The following SMARCA4 variants were observed in gnomAD, a reference collection of about 807,000 sequenced individuals.
SMARCA4 encodes SWI/SNF related BAF chromatin remodeling complex subunit ATPase 4.
SMARCA4 carries 31 observed loss-of-function variants against 193.9 expected under a neutral mutation model. The ratio of observed to expected loss-of-function variants is 0.16; its 90% CI spans 0.12 to 0.22. The LOEUF (loss-of-function observed/expected upper bound fraction) is 0.22, where lower values mean the gene tolerates loss of function less well. SMARCA4 is among the 10% of genes least tolerant of loss of function. The pLI is 1.00. For synonymous variants in SMARCA4, 942 were observed against 933.1 expected, an observed-to-expected ratio of 1.01 and a Z score of -0.17; for missense variants, 1,148 against 2,296.0, an observed-to-expected ratio of 0.50 and a Z score of 10.22.
chr19:10,974,666 C>CATATATATATATATAT (rs1555744332), intron 1 of SMARCA4, among the ~76,000 whole-genome samples: 13 of 30,472 alleles, frequency 4.3e-4, no homozygotes, highest in African/African-American at 1.2e-3. Context: ...GATTAACATG[C>CATATATATATATATAT]ATATATATAT....
Position 11,019,794 on chromosome 19 carries a change from T to G in SMARCA4, c.2616+93T>G. 1 of 887,274 alleles carries G rather than the reference T, an allele frequency of 1.1e-6. No homozygotes were observed. The highest frequency in any genetic ancestry group is 1.8e-6 in the Non-Finnish European group (1 of 543,328). The allele number at this position is 887,274 out of a possible 1,614,324, so 55.0% of individuals were successfully genotyped here. A position where few individuals can be genotyped will look rare whatever the true frequency, so the allele number is the denominator to read the frequency against. On this transcript the variant is annotated intron_variant, in intron 18 of 34. Coordinates refer to ENST00000344626, the MANE Select transcript of SMARCA4 (RefSeq NM_003072.5). The surrounding 1 kb of genome is among the most constrained non-coding windows in gnomAD (Gnocchi z 6.1). ...CTCCTCCAAAGCCCCTACAAGTTTC[T>G]TCCCGGAGTCCCACCTGCATGTGCG...
intron 30 of SMARCA4, among the ~76,000 whole-genome samples, chr19:11,050,936 G>C (rs995289115): frequency 6.6e-6 from 1 of 152,234 alleles, no homozygotes; most frequent in Non-Finnish European, 1.5e-5. Flanking sequence ...CCCTGGTGCT[G>C]TGCAGGCACT....
At chr19:10,969,994 G>C (rs1206968378) in intron 1 of SMARCA4, among the ~76,000 whole-genome samples, 1 of 152,154 alleles carries the variant, frequency 6.6e-6, no homozygotes, top group Non-Finnish European at 1.5e-5. Flanking sequence ...GCCCTCTGAG[G>C]TATGATATGG....
At chr19:10,990,665 A>T (rs562862728) in intron 7 of SMARCA4, among the ~76,000 whole-genome samples, 65 of 152,178 alleles carry the variant, frequency 4.3e-4, no homozygotes, top group Middle Eastern at 6.8e-3. Flanking sequence ...CACCTGTCTC[A>T]GCCTCCCAAA....
At chr19:10,990,529 C>T (rs1204802337) in intron 7 of SMARCA4, among the ~76,000 whole-genome samples, 1 of 152,010 alleles carries the variant, frequency 6.6e-6, no homozygotes, top group African/African-American at 2.4e-5. Context: ...CCTCCTGCCT[C>T]AGCCTCCCAA....
At chr19:11,009,131 C>T (rs1298105209) in intron 14 of SMARCA4, among the ~76,000 whole-genome samples, 4 of 133,570 alleles carry the variant, frequency 3.0e-5, no homozygotes, top group Admixed American at 9.1e-5. Flanking sequence ...GAGTGATTCT[C>T]TTGCCTCGGC....
At chr19:11,021,259 C>T (rs531134067) in intron 18 of SMARCA4, 62 of 337,056 alleles carry the variant, frequency 1.8e-4, no homozygotes, top group South Asian at 1.2e-3. Flanking sequence ...TATGTAGTGG[C>T]GCTGGCCCCT....
At chr19:11,004,426 T>C (rs1335623975) in intron 13 of SMARCA4, among the ~76,000 whole-genome samples, 4 of 152,100 alleles carry the variant, frequency 2.6e-5, no homozygotes, top group African/African-American at 9.7e-5. Flanking sequence ...TTTTAAAATA[T>C]TTTTAGTAGA....
chr19:10,976,753 CA>C (rs79633492), intron 1 of SMARCA4, among the ~76,000 whole-genome samples: 230 of 125,184 alleles, frequency 1.8e-3, no homozygotes, highest in Admixed American at 1.8e-3. Flanking sequence ...GACCCTGTCT[CA>C]AAAAAAAAAA....
intron 6 of SMARCA4, among the ~76,000 whole-genome samples, 165 bp downstream of exon 6, chr19:10,988,089 G>A (rs373383281): frequency 9.4e-4 from 143 of 151,860 alleles, no homozygotes; most frequent in African/African-American, 3.4e-3. Context: ...CCCTGGCTGC[G>A]GTCTGTTTCC....
rs765770030 is a variant in SMARCA4, at chr19:10,984,404, C to T, written c.222+31C>T. The T allele has an allele frequency of 3.9e-5, 60 of 1,554,790 alleles. No homozygotes were observed. The highest frequency in any genetic ancestry group is 3.6e-4 in the Middle Eastern group (2 of 5,556). ...GATCCCTGTGCCCGCCTCGCACCTG[C>T]GGCCTCTGCCCACTAGGGCTGCAGG... On this transcript the variant is annotated intron_variant, in intron 2 of 34. Transcript: ENST00000344626. The surrounding 1 kb of genome is among the most constrained non-coding windows in gnomAD (Gnocchi z 4.3).
chr19:10,961,106 A>G lies in SMARCA4; in HGVS notation c.-100A>G, dbSNP rs1225545137. Reference sequence around the variant, plus strand: ...TTTCGTGAAGAGAAGCGAGACGCCCATTCTGCCCCCGGCCCCGCGCGGAGG... The same window carrying G: ...TTTCGTGAAGAGAAGCGAGACGCCCGTTCTGCCCCCGGCCCCGCGCGGAGG... On this transcript the variant is annotated 5_prime_UTR_variant, in exon 1 of 35. Transcript: ENST00000344626. 2 of 148,310 alleles carry G rather than the reference A, an allele frequency of 1.3e-5. No individual in the cohort carries two copies. Among genetic ancestry groups the G allele is most frequent in the East Asian group, 2.0e-4 (1 of 4,982 alleles). The allele number at this position is 148,310 out of a possible 1,614,324, so 9.2% of individuals were successfully genotyped here. A position where few individuals can be genotyped will look rare whatever the true frequency, so the allele number is the denominator to read the frequency against.
At chr19:11,027,746 C>T (rs2146539314) in intron 23 of SMARCA4, 38 bp from the exon 24 acceptor site, 1 of 1,612,520 alleles carries the variant, frequency 6.2e-7, no homozygotes, top group Non-Finnish European at 8.5e-7. Context: ...CCAGGTTTAA[C>T]ATCCTGCGCC....
rs1218083640 is a variant in SMARCA4, at chr19:10,986,715, A to G, written c.760+122A>G. 7.0e-7 allele frequency: 1 copy of G among 1,424,724 alleles called. No individual in the cohort carries two copies. Among genetic ancestry groups the G allele is most frequent in the Admixed American group, 2.0e-5 (1 of 50,394 alleles). The allele number at this position is 1,424,724 out of a possible 1,614,324, so 88.3% of individuals were successfully genotyped here. A position where few individuals can be genotyped will look rare whatever the true frequency, so the allele number is the denominator to read the frequency against. ...CCCCGGTTTGGGATTGCACGGGCCCATACTGCACTTCTGGGTGCTCGGGTG... is the reference window on the plus strand; with the variant it reads ...CCCCGGTTTGGGATTGCACGGGCCCGTACTGCACTTCTGGGTGCTCGGGTG... On this transcript the variant is annotated intron_variant, in intron 4 of 34. Coordinates refer to ENST00000344626, the MANE Select transcript of SMARCA4 (RefSeq NM_003072.5). This position sits in a 1 kb window ranked among gnomAD's most constrained non-coding sequence, Gnocchi z 6.7.
At chr19:10,979,720 TATATA>T (rs1397456409) in intron 1 of SMARCA4, among the ~76,000 whole-genome samples, 1 of 150,434 alleles carries the variant, frequency 6.6e-6, no homozygotes, top group Non-Finnish European at 1.5e-5. Context: ...TATTGTATAT[TATATA>T]ATATATGTAT....
At chr19:10,995,257 G>A in intron 9 of SMARCA4, 1 of 631,026 alleles carries the variant, frequency 1.6e-6, no homozygotes, top group Non-Finnish European at 2.9e-6. Flanking sequence ...AATGGAGGTG[G>A]TGCCCCCTTC....
chr19:11,046,234 A>AG (rs2075908181), intron 30 of SMARCA4, among the ~76,000 whole-genome samples: 1 of 152,168 alleles, frequency 6.6e-6, no homozygotes, highest in Admixed American at 6.5e-5. Context: ...AAAAAAAAAA[A>AG]AAAACCCCAA....
intron 13 of SMARCA4, among the ~76,000 whole-genome samples, chr19:11,004,277 TCTCA>T (rs754193630): frequency 6.4e-4 from 91 of 141,168 alleles, no homozygotes; most frequent in South Asian, 1.1e-3. Context: ...TGAGACAGAG[TCTCA>T]CTCTATAGCC....
In SMARCA4 at chr19:11,058,444, G is replaced by T; in HGVS notation, c.4533+81G>T. 1 of 1,003,954 alleles carries T rather than the reference G, an allele frequency of 1.0e-6. No individual in the cohort carries two copies. The highest frequency in any genetic ancestry group is 1.6e-6 in the Non-Finnish European group (1 of 641,636). The allele number at this position is 1,003,954 out of a possible 1,614,324, so 62.2% of individuals were successfully genotyped here. On this transcript the variant is annotated intron_variant, in intron 31 of 34. Transcript: ENST00000344626. This position sits in a 1 kb window ranked among gnomAD's most constrained non-coding sequence, Gnocchi z 5.8. The stretch of plus-strand genomic sequence containing the variant: ...GGGGCACCCCCATCTGAGAGCTGTG[G>T]TGTGTGGGCAGAATGACCAGAAACC...
Sources: gnomAD v4.1 joint callset for allele counts (sites outside exome capture counted in the v4.1 genomes callset) on GRCh38, gnomAD v4.1.1 for gene constraint, Gnocchi (gnomAD v3.1) non-coding constraint, MANE v1.5 for transcripts, NCBI Gene and HGNC (gene_info 2026-07-23, HGNC 2026-07-21) for gene names.